The following LIMD1 variants were observed in gnomAD, a reference collection of about 807,000 sequenced individuals.
LIMD1 encodes the protein LIM domain-containing protein 1.
In LIMD1, 23 loss-of-function variants were observed where a neutral mutation model predicts 58.4. The ratio of observed to expected loss-of-function variants is 0.39; its 90% CI spans 0.28 to 0.56. The LOEUF is 0.56. Among genes scored for constraint, LIMD1 ranks in the 20% least tolerant of loss-of-function variants. The probability of loss-of-function intolerance (pLI) is 0.57; values close to 1 mark genes in which losing one functional copy is unlikely to be tolerated. For synonymous variants in LIMD1, 334 were observed against 345.5 expected (o/e 0.97, Z 0.37); for missense variants, 838 against 855.5 (o/e 0.98, Z 0.25).
At chr3:45,615,593 A>G (rs1171200167) in intron 1 of LIMD1, among the ~76,000 whole-genome samples, 3 of 151,912 alleles carry the variant, frequency 2.0e-5, no homozygotes, top group African/African-American at 7.3e-5. Flanking sequence ...CATCTCTACT[A>G]AAAATGCGAA....
rs1697792547 is a variant in LIMD1, at chr3:45,684,919, G to A, written c.*7860G>A. 1 of 152,174 alleles carries A rather than the reference G, an allele frequency of 6.6e-6. No homozygotes were observed. Among genetic ancestry groups the A allele is most frequent in the Non-Finnish European group, 1.5e-5 (1 of 68,028 alleles). 9.4% of individuals were successfully genotyped at this position (152,174 alleles called of 1,614,324 possible). On this transcript the variant is annotated 3_prime_UTR_variant, in exon 8 of 8. Transcript: ENST00000273317. ...TTTCAGGCTGCTTTCTGTTGGAAAAGAAATGGTTTTGGGGGCTGCTTTTTA... is the reference window on the plus strand; with the variant it reads ...TTTCAGGCTGCTTTCTGTTGGAAAAAAAATGGTTTTGGGGGCTGCTTTTTA...
rs1299400753 is a variant in LIMD1 at position 45,678,092 on chromosome 3, C to T, written c.*1033C>T. On this transcript the variant is annotated 3_prime_UTR_variant, in exon 8 of 8. Transcript: ENST00000273317. ...GCGCCTCAGGATAAGTTATTATATT[C>T]ATTTCGTTGGTTTCTCTCCTGCCCA... The T allele has an allele frequency of 6.6e-6, 1 of 152,600 alleles. No homozygotes were observed. The highest frequency in any genetic ancestry group is 1.9e-4 in the East Asian group (1 of 5,204). The allele number at this position is 152,600 out of a possible 1,614,324, so 9.5% of individuals were successfully genotyped here. A position where few individuals can be genotyped will look rare whatever the true frequency, so the allele number is the denominator to read the frequency against.
chr3:45,633,410 A>G (rs1701756103), intron 1 of LIMD1, among the ~76,000 whole-genome samples: 1 of 152,162 alleles, frequency 6.6e-6, no homozygotes, highest in South Asian at 2.1e-4. Context: ...TTTTACCCGG[A>G]AAAAAATAAG....
In LIMD1 at chr3:45,657,539, A is replaced by G. The variant is rs988479538; in HGVS notation, c.1511-8111A>G. On this transcript the variant is annotated intron_variant, in intron 2 of 7. Coordinates refer to ENST00000273317, the MANE Select transcript of LIMD1 (RefSeq NM_014240.3). ...GACGCTGTCTCAAAAAAAAAAAAAAAAAAAAGGAAAAAGAAAGAAAGGCCT... is the reference window on the plus strand; with the variant it reads ...GACGCTGTCTCAAAAAAAAAAAAAAGAAAAAGGAAAAAGAAAGAAAGGCCT... 2.2e-3 allele frequency among the ~76,000 whole-genome samples: 341 copies of G among 151,854 alleles called. 2 individuals are homozygous for G. Among genetic ancestry groups the G allele is most frequent in the African/African-American group, 7.8e-3 (323 of 41,454 alleles).
intron 1 of LIMD1, among the ~76,000 whole-genome samples, chr3:45,631,312 A>C (rs892197090): frequency 2.0e-5 from 3 of 151,432 alleles, no homozygotes; most frequent in South Asian, 4.1e-4. Context: ...AAAAAAAAAC[A>C]AAGAAAGAAA....
intron 1 of LIMD1, among the ~76,000 whole-genome samples, chr3:45,612,410 T>C (rs1449289548): frequency 6.6e-6 from 1 of 152,222 alleles, no homozygotes; most frequent in African/African-American, 2.4e-5. Flanking sequence ...ATGTCTGCAT[T>C]GGATACTTGG....
intron 2 of LIMD1, among the ~76,000 whole-genome samples, chr3:45,657,543 AAGG>A (rs1398858083): frequency 6.9e-6 from 1 of 144,286 alleles, no homozygotes; most frequent in Non-Finnish European, 1.6e-5. Context: ...AAAAAAAAAA[AAGG>A]AAAAAGAAAG....
rs150275076 is a variant in LIMD1, at chr3:45,677,002, C to T, written c.1974C>T (p.His658=). The T allele has an allele frequency of 2.5e-5, 41 of 1,614,150 alleles. No homozygotes were observed. The highest frequency in any genetic ancestry group is 2.5e-4 in the African/African-American group (19 of 75,056). ...ACCACCTGTTCTGTCACTCCTGCCA[C>T]GTGAAGAGGCTGGAGAAGAGACCCT... ...LEDHLFCHSC[H]VKRLEKRPSS... The change falls in exon 8 of 8, where the codon CAC becomes CAT. Residue 658 remains histidine, a synonymous_variant. Transcript: ENST00000273317.
At chr3:45,602,258 A>C (rs1015730343) in intron 1 of LIMD1, among the ~76,000 whole-genome samples, 3 of 151,872 alleles carry the variant, frequency 2.0e-5, no homozygotes, top group African/African-American at 7.3e-5. Flanking sequence ...TGGGCTGTGG[A>C]CTTTTGTGTC....
intron 7 of LIMD1, among the ~76,000 whole-genome samples, chr3:45,675,506 G>A (rs992038603): frequency 6.6e-6 from 1 of 151,986 alleles, no homozygotes; most frequent in Non-Finnish European, 1.5e-5. Flanking sequence ...TCCAGCCTGG[G>A]CAACAGAGCA....
chr3:45,596,834 TACC>T (rs1214027581), intron 1 of LIMD1, among the ~76,000 whole-genome samples: 1 of 151,386 alleles, frequency 6.6e-6, no homozygotes, highest in Non-Finnish European at 1.5e-5. Context: ...GGTCAAACAC[TACC>T]ATGAAAGACT....
chr3:45,616,324 A>T (rs1356869358), intron 1 of LIMD1, among the ~76,000 whole-genome samples: 1 of 152,176 alleles, frequency 6.6e-6, no homozygotes, highest in Non-Finnish European at 1.5e-5. Flanking sequence ...CTCGAGGGAC[A>T]GCTGGACAAG....
intron 2 of LIMD1, among the ~76,000 whole-genome samples, chr3:45,656,916 G>C (rs1697334782): frequency 6.6e-6 from 1 of 152,182 alleles, no homozygotes; most frequent in Non-Finnish European, 1.5e-5. Flanking sequence ...GGGGTAAATT[G>C]TGCTGCTTCA....
intron 2 of LIMD1, among the ~76,000 whole-genome samples, chr3:45,649,900 A>C (rs947067396): frequency 8.7e-6 from 1 of 114,542 alleles, no homozygotes; most frequent in Non-Finnish European, 1.7e-5. Context: ...GAGAAATCTG[A>C]TATCTCTATT....
chr3:45,627,471 G>A (rs372630528), intron 1 of LIMD1, among the ~76,000 whole-genome samples: 3 of 152,098 alleles, frequency 2.0e-5, no homozygotes, highest in East Asian at 1.9e-4. Context: ...GTCTAGCACC[G>A]TGTTGGCACT....
At chr3:45,640,001 T>C (rs937335643) in intron 2 of LIMD1, among the ~76,000 whole-genome samples, 3 of 152,214 alleles carry the variant, frequency 2.0e-5, no homozygotes, top group Non-Finnish European at 1.5e-5. Context: ...TAGGGGGACA[T>C]AGACATTCAG....
chr3:45,607,357 C>T (rs1701478043), intron 1 of LIMD1, among the ~76,000 whole-genome samples: 1 of 152,028 alleles, frequency 6.6e-6, no homozygotes, highest in Non-Finnish European at 1.5e-5. Context: ...TCTTGGGATC[C>T]ACAGCCAGGT....
chr3:45,631,907 A>G (rs1419941433), intron 1 of LIMD1, among the ~76,000 whole-genome samples: 1 of 152,072 alleles, frequency 6.6e-6, no homozygotes, highest in African/African-American at 2.4e-5. Flanking sequence ...CGTGCAATTC[A>G]TTTCACCTTT....
chr3:45,632,545 A>T, intron 1 of LIMD1: 1 of 985,340 alleles, frequency 1.0e-6, no homozygotes, highest in Non-Finnish European at 1.2e-6. Context: ...GATACAAGGA[A>T]GCAGGTGCCA....
Sources: allele counts gnomAD v4.1 joint callset (sites outside exome capture counted in the v4.1 genomes callset), GRCh38; gene constraint gnomAD v4.1.1; transcripts MANE v1.5; gene names NCBI Gene and HGNC (gene_info 2026-07-23, HGNC 2026-07-21).